CLASP1: variants seen among roughly 807,000 people sequenced by gnomAD.
The protein encoded by CLASP1 is cytoplasmic linker associated protein 1.
Under a neutral mutation model 192.3 loss-of-function variants are expected in CLASP1, and 38 were observed. The observed-to-expected ratio is 0.20, with a 90% CI of 0.15 to 0.26. CLASP1 has a LOEUF of 0.26. Among genes scored for constraint, CLASP1 ranks in the 10% least tolerant of loss-of-function variants. The pLI, the probability that CLASP1 is intolerant of heterozygous loss-of-function variation, is 1.00. For missense variants in CLASP1, 1,433 were observed against 1,932.5 expected (o/e 0.74, Z 4.85); for synonymous variants, 691 against 712.8 (o/e 0.97, Z 0.49).
intron 2 of CLASP1, among the ~76,000 whole-genome samples, chr2:121,565,932 G>A (rs759982038): frequency 2.8e-4 from 42 of 152,136 alleles, no homozygotes; most frequent in East Asian, 9.6e-4. Flanking sequence ...TCTCTTTTCC[G>A]AAGAGAAAAC....
chr2:121,473,545 G>A (rs2091128577), intron 8 of CLASP1, among the ~76,000 whole-genome samples: 1 of 152,100 alleles, frequency 6.6e-6, no homozygotes, highest in South Asian at 2.1e-4. Flanking sequence ...GGGGAAGAAG[G>A]GGAAGGACAG....
chr2:121,354,136 T>TAA (rs2064993308), intron 37 of CLASP1, among the ~76,000 whole-genome samples: 1 of 152,140 alleles, frequency 6.6e-6, no homozygotes, highest in African/African-American at 2.4e-5. Flanking sequence ...GCATGCCACA[T>TAA]TGACTTGGAT....
intron 19 of CLASP1, among the ~76,000 whole-genome samples, chr2:121,440,296 GTT>G (rs887826945): frequency 2.6e-5 from 4 of 152,044 alleles, no homozygotes; most frequent in African/African-American, 7.2e-5. Context: ...GTTTCATTTT[GTT>G]TTGTTTTCAG....
chr2:121,615,211 C>A (rs531448384), intron 1 of CLASP1, among the ~76,000 whole-genome samples: 1 of 151,986 alleles, frequency 6.6e-6, no homozygotes, highest in Non-Finnish European at 1.5e-5. Flanking sequence ...ATAGGGCGCA[C>A]GCCTGTAATC....
intron 30 of CLASP1, 105 bp from the exon 32 acceptor site, chr2:121,388,011 A>C (rs970305403): frequency 2.4e-5 from 20 of 824,858 alleles, no homozygotes; most frequent in Non-Finnish European, 3.3e-5. Flanking sequence ...CACTAATAAG[A>C]GGGCATTCTA....
intron 31 of CLASP1, 40 bp downstream of exon 32, chr2:121,387,723 T>G (rs1474182299): frequency 3.4e-5 from 54 of 1,607,370 alleles, no homozygotes; most frequent in Non-Finnish European, 4.1e-5. Context: ...GCAGAGGTCA[T>G]GGACATCACA....
chr2:121,568,368 A>G (rs1272723143), intron 2 of CLASP1, among the ~76,000 whole-genome samples: 1 of 152,046 alleles, frequency 6.6e-6, no homozygotes, highest in Non-Finnish European at 1.5e-5. Context: ...TGGTCCTCAC[A>G]CTGGGGCAGT....
intron 8 of CLASP1, among the ~76,000 whole-genome samples, chr2:121,478,687 CCACA>C (rs1204080981): frequency 1.3e-5 from 1 of 77,846 alleles, no homozygotes; most frequent in South Asian, 4.7e-4. Context: ...CACACACACC[CCACA>C]CACACAACCA....
At chr2:121,636,911 C>T (rs908041901) in intron 1 of CLASP1, among the ~76,000 whole-genome samples, 19 of 152,156 alleles carry the variant, frequency 1.2e-4, no homozygotes, top group South Asian at 2.1e-4. Flanking sequence ...TTTTTAAGAA[C>T]GATTTTCTGC....
intron 2 of CLASP1, among the ~76,000 whole-genome samples, chr2:121,589,907 C>T (rs187355157): frequency 2.0e-5 from 3 of 152,008 alleles, no homozygotes; most frequent in Non-Finnish European, 4.4e-5. Flanking sequence ...TCAATGTGAA[C>T]ATCGTTGAGG....
chr2:121,405,753 G>A (rs1453321402), intron 25 of CLASP1, among the ~76,000 whole-genome samples: 1 of 152,168 alleles, frequency 6.6e-6, no homozygotes, highest in East Asian at 1.9e-4. Flanking sequence ...AGGAACAATC[G>A]TGACAAATCA....
At chr2:121,377,430 A>T (rs992556157) in intron 34 of CLASP1, 69 bp downstream of exon 35, 2 of 1,037,822 alleles carry the variant, frequency 1.9e-6, no homozygotes, top group Admixed American at 5.2e-5. Context: ...CATGATGGTC[A>T]GTGTTCAGAA....
chr2:121,539,094 T>C (rs1422521079), intron 2 of CLASP1, among the ~76,000 whole-genome samples: 3 of 152,176 alleles, frequency 2.0e-5, no homozygotes, highest in Admixed American at 2.0e-4. Context: ...TCTCCCAAAT[T>C]GATCTAAACA....
At chr2:121,501,204 T>G (rs1014463323) in intron 8 of CLASP1, among the ~76,000 whole-genome samples, 2 of 152,192 alleles carry the variant, frequency 1.3e-5, no homozygotes, top group Non-Finnish European at 2.9e-5. Context: ...GCCACTGCTT[T>G]TACTTACTTG....
intron 30 of CLASP1, 148 bp from the exon 32 acceptor site, chr2:121,388,054 T>C: frequency 1.7e-6 from 1 of 589,980 alleles, no homozygotes; most frequent in Non-Finnish European, 2.9e-6. Flanking sequence ...CTGAAGAAAA[T>C]AATACCAATC....
intron 2 of CLASP1, among the ~76,000 whole-genome samples, chr2:121,539,143 C>CATATATTT (rs1477260344): frequency 6.6e-6 from 1 of 152,114 alleles, no homozygotes; most frequent in African/African-American, 2.4e-5. Context: ...TAAACACAAA[C>CATATATTT]ATATATTTTT....
At chr2:121,580,657 A>C (rs533876236) in intron 2 of CLASP1, among the ~76,000 whole-genome samples, 4 of 152,382 alleles carry the variant, frequency 2.6e-5, no homozygotes, top group South Asian at 4.1e-4. Flanking sequence ...AAACATGTAA[A>C]TATTTGTACA....
At chr2:121,447,011 T>C (rs1355827456) in intron 19 of CLASP1, among the ~76,000 whole-genome samples, 2 of 152,152 alleles carry the variant, frequency 1.3e-5, no homozygotes, top group Non-Finnish European at 2.9e-5. Flanking sequence ...GGAAAAAACT[T>C]AGCTTTGACA....
intron 37 of CLASP1, among the ~76,000 whole-genome samples, chr2:121,351,849 C>T (rs942107630): frequency 1.3e-5 from 2 of 152,188 alleles, no homozygotes; most frequent in African/African-American, 4.8e-5. Flanking sequence ...TGTAGAGAGG[C>T]AATTTTATTT....
Sources: gnomAD v4.1 joint callset for allele counts (sites outside exome capture counted in the v4.1 genomes callset) on GRCh38, gnomAD v4.1.1 for gene constraint, MANE v1.5 for transcripts, NCBI Gene and HGNC (gene_info 2026-07-23, HGNC 2026-07-21) for gene names.